MDGA2: variants seen among roughly 807,000 people sequenced by gnomAD.
MDGA2 encodes MAM domain containing glycosylphosphatidylinositol anchor 2, also known as MAM domain-containing glycosylphosphatidylinositol anchor protein 2.
MDGA2 carries 40 observed loss-of-function variants against 117.8 expected under a neutral mutation model. That is an observed-to-expected ratio of 0.34 (90% CI 0.26 to 0.44). The LOEUF is 0.44. Among genes scored for constraint, MDGA2 ranks in the 20% least tolerant of loss-of-function variants. The pLI is 1.00. For missense variants in MDGA2, 1,123 were observed against 1,250.6 expected (o/e 0.90, Z 1.54); for synonymous variants, 452 against 439.0 (o/e 1.03, Z -0.37).
chr14:46,989,520 T>C lies in MDGA2; in HGVS notation c.1820-31877A>G, dbSNP rs530497547. 7.9e-5 allele frequency among the ~76,000 whole-genome samples: 12 copies of C among 152,170 alleles called. No individual in the cohort carries two copies. The East Asian group carries it at 1.7e-3, about 22-fold the overall frequency. On this transcript the variant is annotated intron_variant, in intron 8 of 16. Coordinates refer to ENST00000399232, the MANE Select transcript of MDGA2 (RefSeq NM_001113498.3). ...GAATTATACAATGCTAGTACTATCATAGGAAAGACTAAATATTACATCAAC... is the reference window on the plus strand; with the variant it reads ...GAATTATACAATGCTAGTACTATCACAGGAAAGACTAAATATTACATCAAC...
rs968837656 is a variant in MDGA2 at position 47,486,417 on chromosome 14, G to A, written c.281-184867C>T. Among the ~76,000 whole-genome samples the A allele has an allele frequency of 5.3e-5, 8 of 152,164 alleles. No homozygotes were observed. The South Asian group carries it at 1.7e-3, about 31-fold the overall frequency. On this transcript the variant is annotated intron_variant, in intron 1 of 16. Transcript: ENST00000399232. ...TGCTTTTGATTTTACAGGGTCATAG[G>A]TGGAAGGGACTTGTCTTCTCTTGGA... is the stretch of plus-strand genomic sequence containing the variant.
intron 1 of MDGA2, among the ~76,000 whole-genome samples, chr14:47,531,696 A>C (rs1439859225): frequency 6.6e-6 from 1 of 152,188 alleles, no homozygotes; most frequent in Non-Finnish European, 1.5e-5. Context: ...CTCTTCCTTA[A>C]ACCCAAGACA....
At chr14:47,061,942 A>C (rs1037801629) in intron 6 of MDGA2, among the ~76,000 whole-genome samples, 2 of 152,006 alleles carry the variant, frequency 1.3e-5, no homozygotes, top group African/African-American at 4.8e-5. Flanking sequence ...AAAAGTAAGA[A>C]TATGGATCTC....
chr14:46,952,093 T>G (rs1885389930), intron 9 of MDGA2, among the ~76,000 whole-genome samples: 1 of 151,934 alleles, frequency 6.6e-6, no homozygotes, highest in South Asian at 2.1e-4. Context: ...CTTGGCAATC[T>G]CATTTTAATT....
chr14:46,965,485 T>A (rs1362191052), intron 8 of MDGA2, among the ~76,000 whole-genome samples: 2 of 152,210 alleles, frequency 1.3e-5, no homozygotes, highest in African/African-American at 4.8e-5. Flanking sequence ...TTAAAGGCTA[T>A]TTAAAAGGCC....
chr14:47,012,741 C>T (rs1887938765), intron 8 of MDGA2, among the ~76,000 whole-genome samples: 2 of 152,034 alleles, frequency 1.3e-5, no homozygotes, highest in Admixed American at 6.6e-5. Context: ...GATATCTTGA[C>T]AGAGTTGGCA....
chr14:47,112,461 T>C (rs1021458927), intron 5 of MDGA2, among the ~76,000 whole-genome samples: 3 of 152,156 alleles, frequency 2.0e-5, no homozygotes, highest in African/African-American at 4.8e-5. Context: ...TGGGTCCTTA[T>C]TGTTCAGCTC....
intron 1 of MDGA2, among the ~76,000 whole-genome samples, chr14:47,641,521 T>C (rs1483648233): frequency 6.6e-6 from 1 of 151,894 alleles, no homozygotes; most frequent in Non-Finnish European, 1.5e-5. Flanking sequence ...GAAGATCCAG[T>C]GAAAGAGAGG....
At chr14:47,473,250 C>T (rs1266651416) in intron 1 of MDGA2, among the ~76,000 whole-genome samples, 1 of 152,154 alleles carries the variant, frequency 6.6e-6, no homozygotes, top group South Asian at 2.1e-4. Flanking sequence ...GTTCTAATTC[C>T]ACTCATTTTG....
intron 1 of MDGA2, among the ~76,000 whole-genome samples, chr14:47,559,299 T>C (rs907647460): frequency 6.6e-6 from 1 of 152,200 alleles, no homozygotes; most frequent in Non-Finnish European, 1.5e-5. Flanking sequence ...TGTCCATATA[T>C]ACTTGATGTT....
chr14:47,636,628 AC>A (rs1897325329), intron 1 of MDGA2, among the ~76,000 whole-genome samples: 1 of 151,950 alleles, frequency 6.6e-6, no homozygotes, highest in African/African-American at 2.4e-5. Flanking sequence ...TACTAAAAAT[AC>A]AAAAAATTAG....
At chr14:47,603,738 C>T (rs1483850074) in intron 1 of MDGA2, among the ~76,000 whole-genome samples, 5 of 152,094 alleles carry the variant, frequency 3.3e-5, no homozygotes, top group Non-Finnish European at 7.4e-5. Flanking sequence ...CTCTAAATAT[C>T]ATGTTGAAAT....
intron 1 of MDGA2, among the ~76,000 whole-genome samples, chr14:47,516,596 T>C (rs556184250): frequency 1.3e-5 from 2 of 152,290 alleles, no homozygotes; most frequent in East Asian, 3.9e-4. Context: ...AATCTCACCA[T>C]CTTTTTAAGG....
intron 1 of MDGA2, among the ~76,000 whole-genome samples, chr14:47,646,009 G>A (rs2138257576): frequency 6.6e-6 from 1 of 151,204 alleles, no homozygotes; most frequent in Non-Finnish European, 1.5e-5. Context: ...GAACTCGGGA[G>A]GCGGAGCTTG....
intron 2 of MDGA2, 92 bp from the exon 3 acceptor site, chr14:47,218,287 G>A: frequency 9.2e-7 from 1 of 1,088,832 alleles, no homozygotes. Context: ...TTTGCATTTA[G>A]AGCTGCTACA....
intron 1 of MDGA2, among the ~76,000 whole-genome samples, chr14:47,611,838 G>C (rs1040927365): frequency 3.3e-5 from 5 of 152,162 alleles, no homozygotes; most frequent in Non-Finnish European, 7.4e-5. Flanking sequence ...TATTGATCAA[G>C]CACTTTATTG....
chr14:47,273,325 C>G (rs1488102347), intron 2 of MDGA2, among the ~76,000 whole-genome samples: 11 of 152,080 alleles, frequency 7.2e-5, no homozygotes, highest in Non-Finnish European at 2.9e-5. Flanking sequence ...TTCAGTAAAA[C>G]CATATGATAA....
intron 8 of MDGA2, among the ~76,000 whole-genome samples, chr14:46,964,059 TC>T (rs1885918623): frequency 6.6e-6 from 1 of 152,158 alleles, no homozygotes; most frequent in East Asian, 1.9e-4. Context: ...GACACAAGTG[TC>T]TGGCAGTTCC....
chr14:47,573,331 ACAT>A lies in MDGA2; in HGVS notation c.280+101183_280+101185del, dbSNP rs371078013. ...TTGGTTAGAGAATCCAGCATAATAT[ACAT>A]AGACTATTACTAGCTCTGAAAAAGT... On this transcript the variant is annotated intron_variant, in intron 1 of 16. Transcript: ENST00000399232. Among the ~76,000 whole-genome samples, 620 of 152,284 alleles carry A rather than the reference ACAT, an allele frequency of 4.1e-3. 5 individuals carry two copies. The highest frequency in any genetic ancestry group is 0.014 in the African/African-American group (592 of 41,556).
Sources: gnomAD v4.1 joint callset for allele counts (sites outside exome capture counted in the v4.1 genomes callset) on GRCh38, gnomAD v4.1.1 for gene constraint, MANE v1.5 for transcripts, NCBI Gene and HGNC (gene_info 2026-07-23, HGNC 2026-07-21) for gene names.